The following CEMIP2 variants were observed in gnomAD, a reference collection of about 807,000 sequenced individuals.
CEMIP2 encodes cell migration inducing hyaluronidase 2, also known as cell surface hyaluronidase CEMIP2.
Under a neutral mutation model 146.9 loss-of-function variants are expected in CEMIP2, and 79 were observed. The observed-to-expected ratio is 0.54, with a 90% confidence interval of 0.45 to 0.65. The LOEUF (loss-of-function observed/expected upper bound fraction) is 0.65, where lower values mean the gene tolerates loss of function less well. Ranked by LOEUF, CEMIP2 falls within the 30% of genes least tolerant of loss-of-function variation. The pLI, the probability that CEMIP2 is intolerant of heterozygous loss-of-function variation, is 0.00. For synonymous variants in CEMIP2, 601 were observed against 606.3 expected (o/e 0.99, Z 0.13); for missense variants, 1,596 against 1,696.2 (o/e 0.94, Z 1.04).
rs142314012 is a variant in CEMIP2, at chr9:71,698,048, C to G, written c.3534G>C (p.Pro1178=). ...TGGCCGGCATCCGCTTGACCACTGA[C>G]GGCTTTCTGTAGTACTGTGGGTATG... ...AKAYPQYYRK[P]SVVKRMPAML... Residue 1178 remains proline (P), a synonymous_variant, in exon 20 of 24, where the codon CCG becomes CCC. Coordinates refer to ENST00000377044, the MANE Select transcript of CEMIP2 (RefSeq NM_013390.3). The G allele has an allele frequency of 6.2e-7, 1 of 1,614,034 alleles. No individual in the cohort carries two copies. Among genetic ancestry groups the G allele is most frequent in the African/African-American group, 1.3e-5 (1 of 74,914 alleles).
intron 4 of CEMIP2, among the ~76,000 whole-genome samples, chr9:71,741,401 T>C (rs532604129): frequency 1.3e-5 from 2 of 151,714 alleles, no homozygotes; most frequent in East Asian, 2.0e-4. Context: ...TTCTCCATGT[T>C]GGTCAGGCTG....
At chr9:71,700,056 G>T (rs962366376) in intron 19 of CEMIP2, among the ~76,000 whole-genome samples, 1 of 152,172 alleles carries the variant, frequency 6.6e-6, no homozygotes, top group Non-Finnish European at 1.5e-5. Context: ...GAAGGAACAC[G>T]CTACCTGCTG....
chr9:71,708,060 G>A (rs751493231), intron 17 of CEMIP2, among the ~76,000 whole-genome samples: 7 of 152,142 alleles, frequency 4.6e-5, no homozygotes, highest in Admixed American at 6.5e-5. Context: ...GGTGGCGGGC[G>A]CCTGTAGTCC....
intron 3 of CEMIP2, 22 bp downstream of exon 3, chr9:71,746,179 A>T: frequency 1.2e-6 from 2 of 1,609,216 alleles, no homozygotes; most frequent in South Asian, 2.2e-5. Flanking sequence ...TGCAGTTCCC[A>T]TAGGCAGGAA....
rs36080695 is a variant in CEMIP2, at chr9:71,685,395, T to TAAAAAAA, written c.3956-9_3956-3dup. On this transcript the variant is annotated splice_region_variant and splice_polypyrimidine_tract_variant and intron_variant, in intron 23 of 23. Transcript: ENST00000377044. ...TGAATCCCAAAAATATGGTACTCCC[T>TAAAAAAA]AAAAAAAAAAAAAAAAAAGAAAAAG... 417 of 1,178,088 alleles carry TAAAAAAA rather than the reference T, an allele frequency of 3.5e-4. 1 individual carries two copies. The highest frequency in any genetic ancestry group is 2.0e-3 in the South Asian group (69 of 34,654). 73.0% of individuals were successfully genotyped at this position (1,178,088 alleles called of 1,614,324 possible). A position where few individuals can be genotyped will look rare whatever the true frequency, so the allele number is the denominator to read the frequency against.
chr9:71,739,844 G>C (rs565318022), intron 5 of CEMIP2, among the ~76,000 whole-genome samples: 2 of 151,920 alleles, frequency 1.3e-5, no homozygotes, highest in African/African-American at 4.8e-5. Context: ...CTTCCAATGT[G>C]GTCTAGGGAA....
At chr9:71,750,470 T>G (rs1472989004) in intron 1 of CEMIP2, 85 bp from the exon 2 acceptor site, 17 of 1,034,802 alleles carry the variant, frequency 1.6e-5, no homozygotes, top group Non-Finnish European at 2.3e-5. Flanking sequence ...AGATGGAGTT[T>G]CACTCTTGTT....
At chr9:71,768,717 G>C (rs994593537), upstream of CEMIP2, 3 of 152,206 alleles carry the variant, frequency 2.0e-5, no homozygotes, top group Admixed American at 1.3e-4. Context: ...ATCGTGGCCC[G>C]GGCGGCGCGG....
chr9:71,759,821 G>A (rs1417481135), intron 1 of CEMIP2, among the ~76,000 whole-genome samples: 3 of 147,708 alleles, frequency 2.0e-5, no homozygotes, highest in Non-Finnish European at 3.0e-5. Flanking sequence ...TGGGGGGTAC[G>A]GGGAGGTGGG....
At chr9:71,693,743 T>C (rs923225563) in intron 21 of CEMIP2, among the ~76,000 whole-genome samples, 3 of 152,244 alleles carry the variant, frequency 2.0e-5, no homozygotes, top group African/African-American at 7.2e-5. Context: ...AAGTAATTCA[T>C]GTCACCAAGA....
chr9:71,685,783 T>C lies in CEMIP2; in HGVS notation c.3915A>G (p.Val1305=). The C allele has an allele frequency of 6.2e-7, 1 of 1,614,050 alleles. No individual in the cohort carries two copies. Among genetic ancestry groups the C allele is most frequent in the South Asian group, 1.1e-5 (1 of 91,078 alleles). ...GAGCTGGTTTGGCTAATCCCAGAGGTACTAGTAAGTGTGAAATGTTTAACT... is the reference window on the plus strand; with the variant it reads ...GAGCTGGTTTGGCTAATCCCAGAGGCACTAGTAAGTGTGAAATGTTTAACT... ...IKQLNISHLL[V]PLGLAKPAHL... is the part of the protein sequence containing the mutation. The change falls in exon 23 of 24, where the codon GTA becomes GTG. Residue 1305 remains valine (V), a synonymous_variant. Coordinates refer to ENST00000377044, the MANE Select transcript of CEMIP2 (RefSeq NM_013390.3).
chr9:71,760,122 C>G (rs2132041079), intron 1 of CEMIP2, among the ~76,000 whole-genome samples: 1 of 151,720 alleles, frequency 6.6e-6, no homozygotes, highest in East Asian at 1.9e-4. Context: ...AAGCTATAGT[C>G]TTTTTGCTAG....
chr9:71,701,581 A>AT (rs201363288), intron 18 of CEMIP2, among the ~76,000 whole-genome samples: 3 of 152,080 alleles, frequency 2.0e-5, no homozygotes, highest in African/African-American at 4.8e-5. Flanking sequence ...ATTCTAAATA[A>AT]TTTTTTTGTT....
intron 16 of CEMIP2, among the ~76,000 whole-genome samples, chr9:71,711,273 C>T (rs1231184229): frequency 6.6e-6 from 1 of 151,892 alleles, no homozygotes; most frequent in East Asian, 1.9e-4. Context: ...AGAAATAACC[C>T]AATTTCAGCC....
At chr9:71,696,341 A>G (rs951398316) in intron 20 of CEMIP2, among the ~76,000 whole-genome samples, 5 of 152,168 alleles carry the variant, frequency 3.3e-5, no homozygotes, top group African/African-American at 1.2e-4. Flanking sequence ...AAGGAATCAT[A>G]TAACTTTCAT....
chr9:71,699,034 T>TAAAAAAAA (rs34810834), intron 19 of CEMIP2, among the ~76,000 whole-genome samples: 1 of 132,860 alleles, frequency 7.5e-6, no homozygotes, highest in Non-Finnish European at 1.6e-5. Context: ...CTGAGAGCAT[T>TAAAAAAAA]AAAAAAAAAA....
chr9:71,706,573 CTGAG>C (rs1014573808), intron 17 of CEMIP2, among the ~76,000 whole-genome samples: 11 of 152,150 alleles, frequency 7.2e-5, no homozygotes, highest in African/African-American at 2.7e-4. Flanking sequence ...GAATGCTTTA[CTGAG>C]TGAATGTTGA....
chr9:71,690,478 T>C (rs1822196592), intron 21 of CEMIP2, among the ~76,000 whole-genome samples: 1 of 152,254 alleles, frequency 6.6e-6, no homozygotes, highest in South Asian at 2.1e-4. Flanking sequence ...CTGGAGAACC[T>C]GCTTTGAGCA....
chr9:71,696,044 T>C (rs556865414), intron 20 of CEMIP2, among the ~76,000 whole-genome samples: 1 of 152,312 alleles, frequency 6.6e-6, no homozygotes, highest in African/African-American at 2.4e-5. Flanking sequence ...AAGTCAGTAA[T>C]CAATACATTT....
Sources: allele counts gnomAD v4.1 joint callset (sites outside exome capture counted in the v4.1 genomes callset), GRCh38; gene constraint gnomAD v4.1.1; transcripts MANE v1.5; gene names NCBI Gene and HGNC (gene_info 2026-07-23, HGNC 2026-07-21).